Variants in PARVB observed in about 807,000 individuals in gnomAD.
PARVB encodes the protein parvin beta.
In PARVB, 46 loss-of-function variants were observed where a neutral mutation model predicts 47.0. That is an observed-to-expected ratio of 0.98 (90% CI 0.77 to 1.25). The LOEUF (loss-of-function observed/expected upper bound fraction) is 1.25. PARVB is among the 50% of genes most tolerant of loss of function. The pLI, the probability that PARVB is intolerant of heterozygous loss-of-function variation, is 0.00. For missense variants in PARVB, 473 were observed against 471.6 expected (o/e 1.00, Z -0.03); for synonymous variants, 196 against 196.3 (o/e 1.00, Z 0.01).
intron 1 of PARVB, among the ~76,000 whole-genome samples, chr22:44,066,462 A>G (rs1374712788): frequency 1.3e-5 from 2 of 152,180 alleles, no homozygotes; most frequent in Non-Finnish European, 2.9e-5. Context: ...GTGCCTCCCC[A>G]CCCATCATCC....
chr22:44,109,762 C>T (rs146945519), intron 3 of PARVB: 2 of 151,892 alleles, frequency 1.3e-5, no homozygotes, highest in East Asian at 3.9e-4. Context: ...TTCTTTATAG[C>T]AGCAATGTTG....
At chr22:44,053,776 G>C (rs562779012) in intron 1 of PARVB, among the ~76,000 whole-genome samples, 1 of 152,118 alleles carries the variant, frequency 6.6e-6, no homozygotes, top group South Asian at 2.1e-4. Flanking sequence ...CACAGAACTC[G>C]GGGAAACATT....
At chr22:44,083,709 A>T (rs1301359031) in intron 1 of PARVB, among the ~76,000 whole-genome samples, 1 of 152,108 alleles carries the variant, frequency 6.6e-6, no homozygotes, top group Admixed American at 6.6e-5. Context: ...AAGCATGGTA[A>T]CTGCAGCTGT....
chr22:44,005,273 CT>C (rs1453387021), intron 2 of PARVB, among the ~76,000 whole-genome samples: 1 of 89,346 alleles, frequency 1.1e-5, no homozygotes, highest in African/African-American at 4.6e-5. Flanking sequence ...CTAATTTTTT[CT>C]ATTTTTTTTT....
At position 44,024,312 on chromosome 22, in the gene PARVB, C is replaced by T. The variant is rs2050691741; in HGVS notation, c.-28C>T. On this transcript the variant is annotated 5_prime_UTR_variant, in exon 1 of 13. Coordinates refer to ENST00000338758, the MANE Select transcript of PARVB (RefSeq NM_013327.5). ...CGACCGGGCGGCTCCACACGCGCTGCGCCCGCCGCCGGCCCCACGCGCGGC... is the reference window on the plus strand; with the variant it reads ...CGACCGGGCGGCTCCACACGCGCTGTGCCCGCCGCCGGCCCCACGCGCGGC... The T allele has an allele frequency of 4.0e-6, 4 of 1,006,684 alleles. No homozygotes were observed. The highest frequency in any genetic ancestry group is 4.7e-6 in the Non-Finnish European group (4 of 844,128). 62.4% of individuals were successfully genotyped at this position (1,006,684 alleles called of 1,614,324 possible).
intron 1 of PARVB, among the ~76,000 whole-genome samples, chr22:44,061,353 C>T (rs2051415545): frequency 6.6e-6 from 1 of 151,374 alleles, no homozygotes; most frequent in Admixed American, 6.6e-5. Context: ...ATTGCTTGAA[C>T]CCAGGAGGCA....
chr22:44,164,702 C>T lies in PARVB; in HGVS notation c.1018+772C>T, dbSNP rs201112946. Among the ~76,000 whole-genome samples the T allele has an allele frequency of 6.6e-5, 10 of 152,186 alleles. No homozygotes were observed. In the East Asian group the frequency reaches 1.5e-3, roughly 23 times the overall value. ...TAGTGCCCTGGGCCCCCACTTTGACCGTGGCCCCCTACCTAGCCCTGCTCC... is the reference window on the plus strand; with the variant it reads ...TAGTGCCCTGGGCCCCCACTTTGACTGTGGCCCCCTACCTAGCCCTGCTCC... On this transcript the variant is annotated intron_variant, in intron 12 of 12. Coordinates refer to ENST00000338758, the MANE Select transcript of PARVB (RefSeq NM_013327.5).
At chr22:44,165,827 C>T (rs996689787) in intron 12 of PARVB, among the ~76,000 whole-genome samples, 1 of 152,246 alleles carries the variant, frequency 6.6e-6, no homozygotes, top group Non-Finnish European at 1.5e-5. Context: ...GAGCTGCTCC[C>T]ATGAGCACTG....
At chr22:44,032,335 T>C (rs1183304430) in intron 1 of PARVB, among the ~76,000 whole-genome samples, 4 of 152,188 alleles carry the variant, frequency 2.6e-5, no homozygotes, top group Non-Finnish European at 5.9e-5. Flanking sequence ...GCGGAGTCTT[T>C]TACCTCCTCT....
intron 1 of PARVB, among the ~76,000 whole-genome samples, chr22:44,030,488 G>A (rs1044496767): frequency 2.0e-5 from 3 of 152,174 alleles, no homozygotes; most frequent in Non-Finnish European, 4.4e-5. Flanking sequence ...CAGCCCTGGC[G>A]TCCCACAAAC....
intron 1 of PARVB, among the ~76,000 whole-genome samples, chr22:44,066,839 T>C (rs533896968): frequency 3.8e-4 from 55 of 142,942 alleles, no homozygotes; most frequent in African/African-American, 1.4e-3. Flanking sequence ...CTCCATCTCC[T>C]CCTCTCTTCT....
In PARVB at chr22:44,158,088, G is replaced by A; in HGVS notation, c.945+5G>A. On this transcript the variant is annotated splice_donor_5th_base_variant and intron_variant, in intron 11 of 12. Transcript: ENST00000338758. Reference sequence around the variant, plus strand: ...CCGGAAAGCTTCGATCAGAAGGTATGTGCATGGTCTCCATCCTTGGTAGGG... The same window carrying A: ...CCGGAAAGCTTCGATCAGAAGGTATATGCATGGTCTCCATCCTTGGTAGGG... The A allele has an allele frequency of 1.3e-6, 2 of 1,588,658 alleles. No individual in the cohort carries two copies. The highest frequency in any genetic ancestry group is 2.2e-5 in the East Asian group (1 of 44,774).
At chr22:44,086,271 G>A (rs1180011634) in intron 1 of PARVB, among the ~76,000 whole-genome samples, 2 of 152,220 alleles carry the variant, frequency 1.3e-5, no homozygotes, top group Admixed American at 6.5e-5. Flanking sequence ...CACTTGAAAC[G>A]TCAAGAAGCG....
chr22:44,139,366 C>A (rs2053504407), intron 7 of PARVB: 1 of 152,696 alleles, frequency 6.5e-6, no homozygotes. Context: ...TGACACCCAG[C>A]TAATTTTGTA....
intron 10 of PARVB, among the ~76,000 whole-genome samples, chr22:44,156,872 G>T (rs8141159): frequency 0.17 from 25,689 of 152,100 alleles, 2,486 homozygotes; most frequent in East Asian, 0.42. Context: ...TCAGGGGCTG[G>T]GGGGAAGGTA....
At chr22:44,094,154 C>T in intron 2 of PARVB, 137 bp downstream of exon 2, 1 of 536,432 alleles carries the variant, frequency 1.9e-6, no homozygotes. Flanking sequence ...AGTCTAAGTT[C>T]TTAGCTCAAG....
chr22:43,999,856 A>G (rs1465427553), intron 2 of PARVB, among the ~76,000 whole-genome samples: 2 of 150,370 alleles, frequency 1.3e-5, no homozygotes, highest in Admixed American at 1.3e-4. Flanking sequence ...AAAAAAAAAA[A>G]AACAGCTGGG....
At chr22:44,012,463 T>C (rs76123443) in intron 2 of PARVB, among the ~76,000 whole-genome samples, 1 of 152,342 alleles carries the variant, frequency 6.6e-6, no homozygotes, top group African/African-American at 2.4e-5. Flanking sequence ...TCTTAGTATT[T>C]ACTGTGAACA....
chr22:44,160,543 G>A (rs1407305374), intron 11 of PARVB, among the ~76,000 whole-genome samples: 2 of 152,202 alleles, frequency 1.3e-5, no homozygotes, highest in Admixed American at 6.5e-5. Flanking sequence ...CACAGCTGGG[G>A]TGAGCGGTCC....
Sources: allele counts gnomAD v4.1 joint callset (sites outside exome capture counted in the v4.1 genomes callset), GRCh38; gene constraint gnomAD v4.1.1; transcripts MANE v1.5; gene names NCBI Gene and HGNC (gene_info 2026-07-23, HGNC 2026-07-21).